CTNNA3: variants seen among roughly 807,000 people sequenced by gnomAD.
The protein encoded by CTNNA3 is catenin alpha-3.
A neutral mutation model predicts 95.7 loss-of-function variants in CTNNA3; 76 were observed. That is an observed-to-expected ratio of 0.79 (90% CI 0.66 to 0.96). The LOEUF is 0.96. CTNNA3 is among the 40% of genes least tolerant of loss of function. The pLI, the probability that CTNNA3 is intolerant of heterozygous loss-of-function variation, is 0.00. For missense variants in CTNNA3, 1,191 were observed against 1,089.8 expected (o/e 1.09, Z -1.31); for synonymous variants, 431 against 374.4 (o/e 1.15, Z -1.74).
chr10:66,791,124 C>A lies in CTNNA3; in HGVS notation c.1048-15600G>T, dbSNP rs552067079. On this transcript the variant is annotated intron_variant, in intron 7 of 17. Coordinates refer to ENST00000433211, the MANE Select transcript of CTNNA3 (RefSeq NM_013266.4). ...ATAAACAAATAAACAATTAGAATTT[C>A]TCTTTGTGTGATACCCATTTGTTTA... is the stretch of plus-strand genomic sequence containing the variant. Among the ~76,000 whole-genome samples the A allele has an allele frequency of 3.3e-5, 5 of 152,312 alleles. No homozygotes were observed. In the South Asian group the frequency reaches 1.0e-3, roughly 32 times the overall value.
intron 1 of CTNNA3, among the ~76,000 whole-genome samples, chr10:67,757,922 A>G (rs1841442455): frequency 6.6e-6 from 1 of 152,136 alleles, no homozygotes; most frequent in South Asian, 2.1e-4. Context: ...ATATCTGGTA[A>G]AATGTTATCT....
chr10:66,582,132 T>A (rs4390241), intron 10 of CTNNA3, among the ~76,000 whole-genome samples: 32,419 of 151,810 alleles, frequency 0.21, 4,668 homozygotes, highest in Middle Eastern at 0.42. Context: ...TTGGGCTATT[T>A]TTTGGTTCCA....
intron 7 of CTNNA3, among the ~76,000 whole-genome samples, chr10:66,897,226 C>A (rs1845533457): frequency 6.6e-6 from 1 of 151,820 alleles, no homozygotes; most frequent in Non-Finnish European, 1.5e-5. Context: ...CAGTATGCTA[C>A]CTTTTATATA....
intron 2 of CTNNA3, among the ~76,000 whole-genome samples, chr10:67,640,699 C>T (rs111456764): frequency 0.11 from 16,663 of 152,044 alleles, 1,418 homozygotes; most frequent in African/African-American, 0.24. Context: ...GAAATAATGC[C>T]ACACAAGTAC....
At chr10:66,050,735 A>G (rs10996860) in intron 15 of CTNNA3, among the ~76,000 whole-genome samples, 32,035 of 152,008 alleles carry the variant, frequency 0.21, 3,483 homozygotes, top group Admixed American at 0.25. Flanking sequence ...TGCTGCTTCC[A>G]CTTTCCCACC....
rs137960840 is a variant in CTNNA3 at position 67,271,378 on chromosome 10, G to A, written c.580-51508C>T. Among the ~76,000 whole-genome samples the A allele has an allele frequency of 1.2e-4, 18 of 152,080 alleles. No individual in the cohort carries two copies. In the East Asian group the frequency reaches 2.9e-3, roughly 25 times the overall value. Reference sequence around the variant, plus strand: ...TTATAAGGGGCTCTTCCCCACTTTCGCAGCACTCAACTCTGTCCTGCCGCC... The same window carrying A: ...TTATAAGGGGCTCTTCCCCACTTTCACAGCACTCAACTCTGTCCTGCCGCC... On this transcript the variant is annotated intron_variant, in intron 5 of 17. Transcript: ENST00000433211.
At chr10:67,486,406 A>T (rs987898067) in intron 5 of CTNNA3, among the ~76,000 whole-genome samples, 4 of 152,070 alleles carry the variant, frequency 2.6e-5, no homozygotes, top group Non-Finnish European at 5.9e-5. Context: ...GATAGTCTAG[A>T]TATTTAACCA....
chr10:67,174,344 A>T (rs754688039), intron 7 of CTNNA3, among the ~76,000 whole-genome samples: 1 of 152,150 alleles, frequency 6.6e-6, no homozygotes, highest in African/African-American at 2.4e-5. Context: ...TGTTTCCTCA[A>T]TAGAGGAACC....
intron 5 of CTNNA3, among the ~76,000 whole-genome samples, chr10:67,231,730 T>G (rs1360879832): frequency 6.6e-6 from 1 of 151,894 alleles, no homozygotes; most frequent in African/African-American, 2.4e-5. Flanking sequence ...AGGAGGACAT[T>G]CAAACCAAAG....
intron 5 of CTNNA3, among the ~76,000 whole-genome samples, chr10:67,240,882 G>A (rs1364326216): frequency 6.6e-6 from 1 of 152,074 alleles, no homozygotes; most frequent in Non-Finnish European, 1.5e-5. Flanking sequence ...AATGCACTAT[G>A]TTCATTTCCT....
intron 17 of CTNNA3, among the ~76,000 whole-genome samples, chr10:65,944,745 T>C (rs559420003): frequency 6.6e-6 from 1 of 152,266 alleles, no homozygotes; most frequent in South Asian, 2.1e-4. Flanking sequence ...TCTAATTAAA[T>C]TAAATGGTAC....
At chr10:66,416,550 T>A (rs527531175) in intron 11 of CTNNA3, among the ~76,000 whole-genome samples, 112 of 72,520 alleles carry the variant, frequency 1.5e-3, no homozygotes, top group African/African-American at 3.2e-3. Context: ...TTTTTTTTTT[T>A]AAAAAAAAGC....
intron 11 of CTNNA3, among the ~76,000 whole-genome samples, chr10:66,420,123 C>T (rs2093179217): frequency 2.0e-5 from 3 of 152,090 alleles, no homozygotes; most frequent in Non-Finnish European, 1.5e-5. Context: ...GAAAATACTT[C>T]AAACTATCTG....
At chr10:66,504,765 C>T (rs2131974224) in intron 11 of CTNNA3, among the ~76,000 whole-genome samples, 1 of 152,234 alleles carries the variant, frequency 6.6e-6, no homozygotes, top group South Asian at 2.1e-4. Flanking sequence ...GTGAGACTTC[C>T]TTTGACTCTC....
chr10:66,076,553 AT>A (rs1279519759), intron 14 of CTNNA3, among the ~76,000 whole-genome samples: 1 of 151,660 alleles, frequency 6.6e-6, no homozygotes, highest in Non-Finnish European at 1.5e-5. Flanking sequence ...ATTTGCTTTA[AT>A]TAGCTCTCAG....
intron 13 of CTNNA3, among the ~76,000 whole-genome samples, chr10:66,278,848 A>G (rs982658766): frequency 6.6e-6 from 1 of 152,046 alleles, no homozygotes; most frequent in Non-Finnish European, 1.5e-5. Flanking sequence ...TACACTTTTA[A>G]TGTTTCTTTT....
At chr10:66,090,977 C>T (rs912375447) in intron 14 of CTNNA3, among the ~76,000 whole-genome samples, 1 of 151,842 alleles carries the variant, frequency 6.6e-6, no homozygotes, top group Non-Finnish European at 1.5e-5. Flanking sequence ...TTAGAAAGCA[C>T]GTAAAAGAAG....
At chr10:67,578,859 C>CA (rs1158402291) in intron 3 of CTNNA3, among the ~76,000 whole-genome samples, 1 of 151,736 alleles carries the variant, frequency 6.6e-6, no homozygotes, top group Non-Finnish European at 1.5e-5. Context: ...TGCATTTTCT[C>CA]AAATACTTTT....
chr10:67,098,879 C>G (rs547370502), intron 7 of CTNNA3: 1 of 151,904 alleles, frequency 6.6e-6, no homozygotes, highest in Non-Finnish European at 1.5e-5. Flanking sequence ...GTTCTTAAGA[C>G]AACTTTTTAT....
Sources: gnomAD v4.1 joint callset for allele counts (sites outside exome capture counted in the v4.1 genomes callset) on GRCh38, gnomAD v4.1.1 for gene constraint, MANE v1.5 for transcripts, NCBI Gene and HGNC (gene_info 2026-07-23, HGNC 2026-07-21) for gene names.